The following AKAP6 variants were observed in gnomAD, a reference collection of about 807,000 sequenced individuals.
AKAP6 encodes A-kinase anchor protein 6.
Under a neutral mutation model 188.5 loss-of-function variants are expected in AKAP6, and 58 were observed. The ratio of observed to expected loss-of-function variants is 0.31; its 90% CI spans 0.25 to 0.38. The LOEUF is 0.38. Among genes scored for constraint, AKAP6 ranks in the 10% least tolerant of loss-of-function variants. The pLI, the probability that AKAP6 is intolerant of heterozygous loss-of-function variation, is 1.00. For missense variants in AKAP6, 2,710 were observed against 2,740.0 expected (o/e 0.99, Z 0.24); for synonymous variants, 989 against 998.6 (o/e 0.99, Z 0.18).
At chr14:32,743,161 A>G (rs1335499209) in intron 11 of AKAP6, among the ~76,000 whole-genome samples, 5 of 151,966 alleles carry the variant, frequency 3.3e-5, no homozygotes, top group African/African-American at 7.2e-5. Context: ...CTTGAAATCT[A>G]TTTTGTCTGA....
intron 3 of AKAP6, among the ~76,000 whole-genome samples, chr14:32,540,150 CTCTCTCTCTCTCTCTCTCTA>C (rs1341910763): frequency 1.8e-5 from 2 of 114,232 alleles, no homozygotes; most frequent in Admixed American, 9.1e-5. Flanking sequence ...CTCTCTCTCT[CTCTCTCTCTCTCTCTCTCTA>C]TATATATATA....
chr14:32,401,145 A>G (rs1028105984), intron 1 of AKAP6, among the ~76,000 whole-genome samples: 4 of 152,228 alleles, frequency 2.6e-5, no homozygotes, highest in Non-Finnish European at 5.9e-5. Context: ...AATCTAGGGT[A>G]TAGGGGCAGA....
At chr14:32,440,907 C>T (rs1407524760) in intron 2 of AKAP6, among the ~76,000 whole-genome samples, 1 of 151,970 alleles carries the variant, frequency 6.6e-6, no homozygotes, top group Non-Finnish European at 1.5e-5. Flanking sequence ...AACTTAATTG[C>T]CAATGTGATA....
chr14:32,370,993 T>C (rs1287466698), intron 1 of AKAP6, among the ~76,000 whole-genome samples: 1 of 152,228 alleles, frequency 6.6e-6, no homozygotes, highest in Non-Finnish European at 1.5e-5. Flanking sequence ...TCACTCAGGC[T>C]GATTTCTTTT....
chr14:32,510,195 A>G (rs1240955070), intron 2 of AKAP6, among the ~76,000 whole-genome samples: 1 of 151,554 alleles, frequency 6.6e-6, no homozygotes, highest in Non-Finnish European at 1.5e-5. Context: ...CATGACTACT[A>G]ATAGTGTCTC....
intron 5 of AKAP6, among the ~76,000 whole-genome samples, chr14:32,589,497 A>G (rs536227485): frequency 2.0e-5 from 3 of 152,228 alleles, no homozygotes; most frequent in African/African-American, 7.2e-5. Context: ...GGACATATGA[A>G]AGTCTTGGAC....
chr14:32,829,376 C>A (rs1203107694), intron 13 of AKAP6, among the ~76,000 whole-genome samples: 1 of 152,158 alleles, frequency 6.6e-6, no homozygotes, highest in Non-Finnish European at 1.5e-5. Context: ...TGTTCGATAT[C>A]ATGCATAAAA....
intron 12 of AKAP6, among the ~76,000 whole-genome samples, chr14:32,813,144 C>T (rs1474931703): frequency 6.6e-6 from 1 of 152,132 alleles, no homozygotes; most frequent in East Asian, 1.9e-4. Context: ...GTTATTCTAG[C>T]CATAACTTGC....
At chr14:32,655,664 A>G (rs1169444367) in intron 7 of AKAP6, among the ~76,000 whole-genome samples, 2 of 152,178 alleles carry the variant, frequency 1.3e-5, no homozygotes, top group Non-Finnish European at 2.9e-5. Context: ...CAGATTAGAG[A>G]AAGCGTTTCA....
intron 12 of AKAP6, among the ~76,000 whole-genome samples, chr14:32,794,378 G>T (rs2033699790): frequency 6.6e-6 from 1 of 152,032 alleles, no homozygotes; most frequent in South Asian, 2.1e-4. Context: ...TGGCCAACAT[G>T]GTGAAAACTC....
In AKAP6 at chr14:32,761,040, A is replaced by G. The variant is rs2032519601; in HGVS notation, c.3373-12638A>G. Among the ~76,000 whole-genome samples, 2 of 152,244 alleles carry G rather than the reference A, an allele frequency of 1.3e-5. 1 individual carries two copies. The highest frequency in any genetic ancestry group is 4.1e-4 in the South Asian group (2 of 4,836). ...CACCACAAACGGAAAGGAAAGAGCT[A>G]AGAAGCAAATACCCAGTGGTCCGAA... On this transcript the variant is annotated intron_variant, in intron 11 of 13. Coordinates refer to ENST00000280979, the MANE Select transcript of AKAP6 (RefSeq NM_004274.5).
intron 3 of AKAP6, among the ~76,000 whole-genome samples, chr14:32,537,493 T>G (rs1391920235): frequency 6.6e-6 from 1 of 152,188 alleles, no homozygotes; most frequent in African/African-American, 2.4e-5. Context: ...GAGGAAGGTT[T>G]GTATAACCTC....
At chr14:32,779,919 T>C (rs1033895628) in intron 12 of AKAP6, among the ~76,000 whole-genome samples, 12 of 152,028 alleles carry the variant, frequency 7.9e-5, no homozygotes, top group African/African-American at 2.9e-4. Context: ...TTGGTAGGAA[T>C]GTAGATTGGT....
chr14:32,595,549 C>G (rs765420428), intron 5 of AKAP6, among the ~76,000 whole-genome samples: 3 of 152,050 alleles, frequency 2.0e-5, no homozygotes, highest in Non-Finnish European at 2.9e-5. Flanking sequence ...TGCTCTATTG[C>G]CCAGGCTGGA....
chr14:32,365,516 T>C (rs1266693630), intron 1 of AKAP6, among the ~76,000 whole-genome samples: 1 of 152,154 alleles, frequency 6.6e-6, no homozygotes, highest in African/African-American at 2.4e-5. Context: ...CTGATCCCAA[T>C]TCTTTCCTAT....
At chr14:32,618,721 A>T (rs1276039919) in intron 7 of AKAP6, among the ~76,000 whole-genome samples, 1 of 152,184 alleles carries the variant, frequency 6.6e-6, no homozygotes, top group Non-Finnish European at 1.5e-5. Flanking sequence ...CAGTAGTGGG[A>T]TTGCTGGATC....
intron 8 of AKAP6, among the ~76,000 whole-genome samples, chr14:32,681,643 C>A (rs1442166274): frequency 1.3e-5 from 2 of 149,866 alleles, no homozygotes; most frequent in African/African-American, 4.9e-5. Context: ...AGGTTTAAAT[C>A]AAAACAAAAT....
chr14:32,525,281 C>T (rs1566555591), intron 2 of AKAP6, among the ~76,000 whole-genome samples: 1 of 152,190 alleles, frequency 6.6e-6, no homozygotes, highest in Admixed American at 6.5e-5. Flanking sequence ...TCAAATAAGT[C>T]AGAGCCTGGT....
intron 2 of AKAP6, among the ~76,000 whole-genome samples, chr14:32,483,251 T>A (rs1180624178): frequency 6.6e-6 from 1 of 152,174 alleles, no homozygotes; most frequent in Non-Finnish European, 1.5e-5. Flanking sequence ...TTGTATTCTC[T>A]TTTGTATAAT....
Sources: gnomAD v4.1 joint callset for allele counts (sites outside exome capture counted in the v4.1 genomes callset) on GRCh38, gnomAD v4.1.1 for gene constraint, MANE v1.5 for transcripts, NCBI Gene and HGNC (gene_info 2026-07-23, HGNC 2026-07-21) for gene names.